Variants in SMAD9 observed in about 807,000 individuals in gnomAD.
The protein encoded by SMAD9 is SMAD family member 9, also known as MAD homolog 9.
Under a neutral mutation model 46.1 loss-of-function variants are expected in SMAD9, and 36 were observed. The observed-to-expected ratio is 0.78, with a 90% CI of 0.60 to 1.03. The LOEUF (loss-of-function observed/expected upper bound fraction) is 1.03. SMAD9 is among the 50% of genes least tolerant of loss of function. The pLI, the probability that SMAD9 is intolerant of heterozygous loss-of-function variation, is 0.00. For missense variants in SMAD9, 572 were observed against 599.8 expected (o/e 0.95, Z 0.48); for synonymous variants, 245 against 237.1 (o/e 1.03, Z -0.31).
rs1329991836 is a variant in SMAD9, at chr13:36,884,085, C to T, written c.-186-4210G>A. Among the ~76,000 whole-genome samples, 5 of 152,110 alleles carry T rather than the reference C, an allele frequency of 3.3e-5. No individual in the cohort carries two copies. The East Asian group carries it at 7.7e-4, about 23-fold the overall frequency. On this transcript the variant is annotated intron_variant, in intron 1 of 6. Transcript: ENST00000379826. Reference sequence around the variant, plus strand: ...GGGACTACTTGTAGTAGTCTGAGCGCGACCTTCACTCATGACACTTCACAG... The same window carrying T: ...GGGACTACTTGTAGTAGTCTGAGCGTGACCTTCACTCATGACACTTCACAG...
At position 36,847,753 on chromosome 13, in the gene SMAD9, T is replaced by C. The variant is rs1419954310; in HGVS notation, c.*923A>G. Reference sequence around the variant, plus strand: ...TGAGAAAGTGTAAGTCGACGTGTGATGCTTTTCTCCAACCTTTGGTTTCAC... The same window carrying C: ...TGAGAAAGTGTAAGTCGACGTGTGACGCTTTTCTCCAACCTTTGGTTTCAC... On this transcript the variant is annotated 3_prime_UTR_variant, in exon 7 of 7. Coordinates refer to ENST00000379826, the MANE Select transcript of SMAD9 (RefSeq NM_001127217.3). 2.6e-5 allele frequency: 4 copies of C among 152,244 alleles called. No individual in the cohort carries two copies. Among genetic ancestry groups the C allele is most frequent in the Non-Finnish European group, 5.9e-5 (4 of 68,046 alleles). 9.4% of individuals were successfully genotyped at this position (152,244 alleles called of 1,614,324 possible).
chr13:36,897,154 G>C lies in SMAD9; in HGVS notation c.-186-17279C>G, dbSNP rs542535015. Among the ~76,000 whole-genome samples, 59 of 152,280 alleles carry C rather than the reference G, an allele frequency of 3.9e-4. 1 individual carries two copies. The South Asian group carries it at 8.5e-3, about 22-fold the overall frequency. On this transcript the variant is annotated intron_variant, in intron 1 of 6. Coordinates refer to ENST00000379826, the MANE Select transcript of SMAD9 (RefSeq NM_001127217.3). ...CTAATTACATAAGTTCTATGGTAATGTGCTATTATTATGAAAATTCAAACT... is the reference window on the plus strand; with the variant it reads ...CTAATTACATAAGTTCTATGGTAATCTGCTATTATTATGAAAATTCAAACT...
At position 36,885,013 on chromosome 13, in the gene SMAD9, T is replaced by C. The variant is rs1228352125; in HGVS notation, c.-186-5138A>G. On this transcript the variant is annotated intron_variant, in intron 1 of 6. Transcript: ENST00000379826. Reference sequence around the variant, plus strand: ...ATGATTTCCTTATTTGTTTTTGTCTTTTAATTTTTCAAACTTATCAATTTT... The same window carrying C: ...ATGATTTCCTTATTTGTTTTTGTCTCTTAATTTTTCAAACTTATCAATTTT... Among the ~76,000 whole-genome samples, 4 of 152,230 alleles carry C rather than the reference T, an allele frequency of 2.6e-5. No homozygotes were observed. The East Asian group carries it at 7.7e-4, about 29-fold the overall frequency.
At chr13:36,851,968 G>T in intron 6 of SMAD9, 1 of 973,366 alleles carries the variant, frequency 1.0e-6, no homozygotes, top group Non-Finnish European at 1.2e-6. Flanking sequence ...ACACAGACCC[G>T]GAAAAAAAAA....
rs1478251628 is a variant in SMAD9, at chr13:36,846,686, A to C, written c.*1990T>G. ...AACAGGGAAGAAAGGGGAGGAAAAAAAACAACTTTGAGACATGGAAGAAAA... is the reference window on the plus strand; with the variant it reads ...AACAGGGAAGAAAGGGGAGGAAAAACAACAACTTTGAGACATGGAAGAAAA... On this transcript the variant is annotated 3_prime_UTR_variant, in exon 7 of 7. Transcript: ENST00000379826. 1 of 152,176 alleles carries C rather than the reference A, an allele frequency of 6.6e-6. No homozygotes were observed. Among genetic ancestry groups the C allele is most frequent in the East Asian group, 1.9e-4 (1 of 5,192 alleles). The allele number at this position is 152,176 out of a possible 1,614,324, so 9.4% of individuals were successfully genotyped here.
rs11840642 is a variant in SMAD9, at chr13:36,865,258, G to A, written c.1003+279C>T. On this transcript the variant is annotated intron_variant, in intron 5 of 6. Transcript: ENST00000379826. ...ACACTTCTATTTAATAATTTCATCC[G>A]GCTTTCTTCATATTTATCATCTTGC... Among the ~76,000 whole-genome samples the A allele has an allele frequency of 4.5e-3, 682 of 152,192 alleles. 7 individuals are homozygous for A. The highest frequency in any genetic ancestry group is 0.015 in the African/African-American group (638 of 41,522).
chr13:36,893,711 G>T (rs564566629), intron 1 of SMAD9, among the ~76,000 whole-genome samples: 3 of 151,486 alleles, frequency 2.0e-5, no homozygotes, highest in Non-Finnish European at 2.9e-5. Context: ...AGTTTAAAAA[G>T]AAATAAAAAC....
intron 4 of SMAD9, among the ~76,000 whole-genome samples, chr13:36,866,329 A>G (rs1040605945): frequency 6.6e-6 from 1 of 150,944 alleles, no homozygotes; most frequent in African/African-American, 2.4e-5. Context: ...TGCTTTGTGG[A>G]TATCTAGTTA....
At chr13:36,859,459 A>T (rs2058158320) in intron 5 of SMAD9, among the ~76,000 whole-genome samples, 1 of 152,208 alleles carries the variant, frequency 6.6e-6, no homozygotes. Context: ...GGTCATAAAC[A>T]CCTTGCTGAT....
intron 1 of SMAD9, among the ~76,000 whole-genome samples, chr13:36,885,458 C>A (rs1167081890): frequency 6.6e-6 from 1 of 152,028 alleles, no homozygotes; most frequent in African/African-American, 2.4e-5. Context: ...CCCATATGTC[C>A]CAAATGAGTA....
rs2058042550 is a variant in SMAD9 at position 36,847,102 on chromosome 13, A to AT, written c.*1573dup. ...TCTATGTGTATATATGAAAGTTTCT[A>AT]TTAGCTAACACTAGTAACTGTAAGA... On this transcript the variant is annotated 3_prime_UTR_variant, in exon 7 of 7. Transcript: ENST00000379826. The AT allele has an allele frequency of 6.6e-6, 1 of 152,230 alleles. No individual in the cohort carries two copies. Among genetic ancestry groups the AT allele is most frequent in the African/African-American group, 2.4e-5 (1 of 41,462 alleles). The allele number at this position is 152,230 out of a possible 1,614,324, so 9.4% of individuals were successfully genotyped here. A position where few individuals can be genotyped will look rare whatever the true frequency, so the allele number is the denominator to read the frequency against.
intron 2 of SMAD9, among the ~76,000 whole-genome samples, chr13:36,875,089 T>C (rs991785527): frequency 1.1e-4 from 17 of 152,038 alleles, no homozygotes; most frequent in Middle Eastern, 3.4e-3. Context: ...TTAGAAGAGT[T>C]TGTCTCCGGG....
At chr13:36,877,168 C>T (rs933633019) in intron 2 of SMAD9, among the ~76,000 whole-genome samples, 7 of 152,070 alleles carry the variant, frequency 4.6e-5, no homozygotes, top group Admixed American at 4.6e-4. Flanking sequence ...TCGAGACCAT[C>T]CTGGCCAACA....
intron 1 of SMAD9, among the ~76,000 whole-genome samples, chr13:36,893,497 A>G (rs2138589207): frequency 6.7e-6 from 1 of 150,008 alleles, no homozygotes; most frequent in Non-Finnish European, 1.5e-5. Context: ...TATTCATAGC[A>G]GTATTACTCA....
chr13:36,901,432 T>C (rs1375503584), intron 1 of SMAD9, among the ~76,000 whole-genome samples: 1 of 83,038 alleles, frequency 1.2e-5, no homozygotes. Context: ...TTTTTGGGCC[T>C]TTTTTTTTTT....
intron 1 of SMAD9, among the ~76,000 whole-genome samples, chr13:36,915,099 A>G (rs896872052): frequency 1.3e-5 from 2 of 152,226 alleles, no homozygotes; most frequent in African/African-American, 4.8e-5. Flanking sequence ...CAGTGTATCT[A>G]GGGATGTGCT....
chr13:36,872,999 A>G (rs982912131), intron 2 of SMAD9, 84 bp from the exon 3 acceptor site: 8 of 1,507,840 alleles, frequency 5.3e-6, no homozygotes, highest in Non-Finnish European at 7.3e-6. Context: ...GTTCTTATCT[A>G]TTTTTTGTTT....
At chr13:36,910,440 G>C (rs1396694757) in intron 1 of SMAD9, among the ~76,000 whole-genome samples, 1 of 152,056 alleles carries the variant, frequency 6.6e-6, no homozygotes, top group African/African-American at 2.4e-5. Context: ...ACACCACCAA[G>C]AGTGAATCTC....
chr13:36,846,568 CTG>C lies in SMAD9; in HGVS notation c.*2106_*2107del, dbSNP rs1373667423. Reference sequence around the variant, plus strand: ...CTATGTTTGATCTCTGGAGCAAAAACTGTGTTGAAGTTCTCCCATGGAATGGT... The same window carrying C: ...CTATGTTTGATCTCTGGAGCAAAAACTGTTGAAGTTCTCCCATGGAATGGT... On this transcript the variant is annotated 3_prime_UTR_variant, in exon 7 of 7. Transcript: ENST00000379826. 6.7e-6 allele frequency: 1 copy of C among 149,528 alleles called. No homozygotes were observed. Among genetic ancestry groups the C allele is most frequent in the African/African-American group, 2.5e-5 (1 of 40,656 alleles). The allele number at this position is 149,528 out of a possible 1,614,324, so 9.3% of individuals were successfully genotyped here. A position where few individuals can be genotyped will look rare whatever the true frequency, so the allele number is the denominator to read the frequency against.
Sources: allele counts gnomAD v4.1 joint callset (sites outside exome capture counted in the v4.1 genomes callset), GRCh38; gene constraint gnomAD v4.1.1; transcripts MANE v1.5; gene names NCBI Gene and HGNC (gene_info 2026-07-23, HGNC 2026-07-21).